Variants in PRIM2 observed in about 807,000 individuals in gnomAD.
The protein encoded by PRIM2 is DNA primase large subunit.
Under a neutral mutation model 67.3 loss-of-function variants are expected in PRIM2, and 39 were observed. The ratio of observed to expected loss-of-function variants is 0.58; its 90% CI spans 0.45 to 0.76. The LOEUF is 0.76. Ranked by LOEUF, PRIM2 falls within the 30% of genes least tolerant of loss-of-function variation. The pLI is 0.00. For missense variants in PRIM2, 398 were observed against 598.7 expected, an observed-to-expected ratio of 0.66 and a Z score of 3.50; for synonymous variants, 143 against 198.7, an observed-to-expected ratio of 0.72 and a Z score of 2.36.
chr6:57,309,347 G>C, the PRIM2 span, among the ~76,000 whole-genome samples: 1 of 133,458 alleles, frequency 7.5e-6, no homozygotes, highest in Admixed American at 9.0e-5. Context: ...GTGTCCATGT[G>C]ATCTCATTGT....
At chr6:57,618,088 G>A (rs1407518521) in intron 12 of PRIM2, among the ~76,000 whole-genome samples, 1 of 152,114 alleles carries the variant, frequency 6.6e-6, no homozygotes, top group Admixed American at 6.5e-5. Flanking sequence ...TACTGTACTG[G>A]TCTATATGTC....
intron 5 of PRIM2, among the ~76,000 whole-genome samples, chr6:57,339,472 T>C (rs1768391547): frequency 6.6e-6 from 1 of 152,090 alleles, no homozygotes; most frequent in Non-Finnish European, 1.5e-5. Context: ...AAGGCTACAG[T>C]AACCAAAACA....
chr6:57,558,308 C>T lies in PRIM2; in HGVS notation c.1020+20683C>T, dbSNP rs1340165134. On this transcript the variant is annotated intron_variant, in intron 10 of 13. Coordinates refer to ENST00000615550, the MANE Select transcript of PRIM2 (RefSeq NM_000947.5). ...GAAAGTAGTAAGCATAGTAGGAGGA[C>T]AAGCTCAAGAGTAAGATATATCTAC... is the stretch of plus-strand genomic sequence containing the variant. Among the ~76,000 whole-genome samples the T allele has an allele frequency of 3.9e-3, 595 of 152,248 alleles. 2 individuals carry two copies. The highest frequency in any genetic ancestry group is 5.6e-3 in the Non-Finnish European group (382 of 68,020).
chr6:57,453,721 G>A (rs1772645607), intron 7 of PRIM2, among the ~76,000 whole-genome samples: 1 of 152,164 alleles, frequency 6.6e-6, no homozygotes, highest in Non-Finnish European at 1.5e-5. Context: ...ATACAATCAT[G>A]TCATCTGCAA....
At chr6:57,229,874 G>A in the PRIM2 span, among the ~76,000 whole-genome samples, 4 of 25,644 alleles carry the variant, frequency 1.6e-4, no homozygotes, top group South Asian at 6.0e-3. Flanking sequence ...TGTTGCACTC[G>A]ATGACTCTCC....
intron 7 of PRIM2, among the ~76,000 whole-genome samples, chr6:57,489,549 C>T (rs1174793083): frequency 4.3e-3 from 70 of 16,358 alleles, no homozygotes; most frequent in African/African-American, 0.042. Context: ...AGAGTGAGAC[C>T]CCCGTCTCCA....
In PRIM2 at chr6:57,466,846, G is replaced by A. The variant is rs76916371; in HGVS notation, c.694-40541G>A. Among the ~76,000 whole-genome samples the A allele has an allele frequency of 4.8e-4, 73 of 152,210 alleles. 1 individual carries two copies. Among genetic ancestry groups the A allele is most frequent in the African/African-American group, 1.3e-3 (54 of 41,544 alleles). On this transcript the variant is annotated intron_variant, in intron 7 of 13. Coordinates refer to ENST00000615550, the MANE Select transcript of PRIM2 (RefSeq NM_000947.5). ...ATTAGATCCCATTTGTTGGCTGGGC[G>A]CAGTGGCTCACGCCTGTAATCCCAG...
intron 8 of PRIM2, among the ~76,000 whole-genome samples, chr6:57,514,735 C>G (rs1554348049): frequency 6.6e-6 from 1 of 151,942 alleles, no homozygotes; most frequent in African/African-American, 2.4e-5. Context: ...AGAATCAGCC[C>G]GTTGTGTTAA....
intron 10 of PRIM2, among the ~76,000 whole-genome samples, chr6:57,571,802 T>G (rs1775867811): frequency 6.6e-6 from 1 of 152,222 alleles, no homozygotes; most frequent in Admixed American, 6.5e-5. Flanking sequence ...ATTAACTGGG[T>G]TCATAGCCTC....
At chr6:57,378,446 G>T (rs1293728270) in intron 5 of PRIM2, among the ~76,000 whole-genome samples, 2 of 152,164 alleles carry the variant, frequency 1.3e-5, no homozygotes, top group Admixed American at 6.5e-5. Context: ...TGTACACATG[G>T]TAGCATAGTT....
intron 5 of PRIM2, among the ~76,000 whole-genome samples, chr6:57,374,454 C>T (rs1369279296): frequency 1.1e-4 from 16 of 150,658 alleles, no homozygotes; most frequent in Admixed American, 2.0e-4. Context: ...CCACCATGCC[C>T]GGCTAATTTT....
rs530752911 is a variant in PRIM2 at position 57,371,502 on chromosome 6, G to A, written c.460-8399G>A. 1.1e-4 allele frequency among the ~76,000 whole-genome samples: 16 copies of A among 152,260 alleles called. No homozygotes were observed. The East Asian group carries it at 1.2e-3, about 11-fold the overall frequency. On this transcript the variant is annotated intron_variant, in intron 5 of 13. Coordinates refer to ENST00000615550, the MANE Select transcript of PRIM2 (RefSeq NM_000947.5). ...AGGTGATTATAAAAGGATCATGACA[G>A]GTTAACACATTTGGCTTCAATTTCA... is the stretch of plus-strand genomic sequence containing the variant.
chr6:57,639,973 C>T (rs1253129569), intron 13 of PRIM2, among the ~76,000 whole-genome samples: 65 of 151,722 alleles, frequency 4.3e-4, no homozygotes, highest in Non-Finnish European at 8.4e-4. Flanking sequence ...AACATCGATG[C>T]AAAAAATCCT....
chr6:57,261,782 T>C, the PRIM2 span, among the ~76,000 whole-genome samples: 7 of 152,188 alleles, frequency 4.6e-5, no homozygotes, highest in Non-Finnish European at 7.3e-5. Context: ...GAGCCACCTC[T>C]CTGGAAGGCT....
chr6:57,323,757 A>G (rs1455217169), intron 3 of PRIM2, among the ~76,000 whole-genome samples: 1 of 151,892 alleles, frequency 6.6e-6, no homozygotes, highest in East Asian at 1.9e-4. Context: ...CATTCTGCAC[A>G]TGTATCCCAG....
chr6:57,554,813 G>A (rs1345259918), intron 10 of PRIM2, among the ~76,000 whole-genome samples: 73 of 152,220 alleles, frequency 4.8e-4, no homozygotes, highest in African/African-American at 1.7e-3. Context: ...TGCTGTTGTC[G>A]TAAAGACAGA....
intron 10 of PRIM2, among the ~76,000 whole-genome samples, chr6:57,550,866 A>G (rs1324055141): frequency 6.6e-6 from 1 of 152,182 alleles, no homozygotes; most frequent in African/African-American, 2.4e-5. Flanking sequence ...TTGGGTACGT[A>G]TAAGCTCCAA....
chr6:57,545,744 C>T (rs1401749465), intron 10 of PRIM2, among the ~76,000 whole-genome samples: 1 of 152,118 alleles, frequency 6.6e-6, no homozygotes, highest in East Asian at 1.9e-4. Context: ...CCTCCAAGAC[C>T]TTATTCACGA....
At chr6:57,393,512 T>A (rs1770428112) in intron 7 of PRIM2, among the ~76,000 whole-genome samples, 1 of 152,108 alleles carries the variant, frequency 6.6e-6, no homozygotes, top group Non-Finnish European at 1.5e-5. Flanking sequence ...TGTTTGTTTG[T>A]TTTTTTCCTT....
Sources: gnomAD v4.1 joint callset for allele counts (sites outside exome capture counted in the v4.1 genomes callset) on GRCh38, gnomAD v4.1.1 for gene constraint, MANE v1.5 for transcripts, NCBI Gene and HGNC (gene_info 2026-07-23, HGNC 2026-07-21) for gene names.